SLC2A13: variants seen among roughly 807,000 people sequenced by gnomAD.
SLC2A13 encodes solute carrier family 2 member 13, also known as proton myo-inositol cotransporter.
In SLC2A13, 32 loss-of-function variants were observed where a neutral mutation model predicts 64.4. The observed-to-expected ratio is 0.50, with a 90% CI of 0.37 to 0.67. SLC2A13 has a LOEUF of 0.67. Ranked by LOEUF, SLC2A13 falls within the 30% of genes least tolerant of loss-of-function variation. SLC2A13 has a pLI of 0.00. For synonymous variants in SLC2A13, 338 were observed against 327.1 expected (o/e 1.03, Z -0.36); for missense variants, 743 against 829.2 (o/e 0.90, Z 1.28).
chr12:39,783,441 A>G (rs914120345), intron 7 of SLC2A13, among the ~76,000 whole-genome samples: 1 of 152,188 alleles, frequency 6.6e-6, no homozygotes, highest in South Asian at 2.1e-4. Flanking sequence ...CTGAGGAATC[A>G]CCACACTGTC....
rs557899541 is a variant in SLC2A13, at chr12:39,757,774, T to C, written c.*2252A>G. 100 of 152,314 alleles carry C rather than the reference T, an allele frequency of 6.6e-4. 1 individual carries two copies. The highest frequency in any genetic ancestry group is 2.2e-3 in the African/African-American group (93 of 41,508). 9.4% of individuals were successfully genotyped at this position (152,314 alleles called of 1,614,324 possible). A position where few individuals can be genotyped will look rare whatever the true frequency, so the allele number is the denominator to read the frequency against. On this transcript the variant is annotated 3_prime_UTR_variant, in exon 10 of 10. Coordinates refer to ENST00000280871, the MANE Select transcript of SLC2A13 (RefSeq NM_052885.4). ...AGGGAGAACAGGCCATGTTCTGCTT[T>C]AGGAAATAACAAGAGTCCAGTTTCT...
intron 4 of SLC2A13, among the ~76,000 whole-genome samples, chr12:39,872,652 G>T (rs991464515): frequency 1.1e-4 from 16 of 152,306 alleles, no homozygotes; most frequent in Admixed American, 2.0e-4. Context: ...GTTTGTTGAT[G>T]CACAATGGAA....
chr12:39,814,965 ATTC>A (rs1177450885), intron 7 of SLC2A13, among the ~76,000 whole-genome samples: 11 of 152,024 alleles, frequency 7.2e-5, no homozygotes, highest in African/African-American at 2.2e-4. Context: ...AAGTTTATGA[ATTC>A]TTCTTACACT....
chr12:39,796,905 T>C (rs1483797860), intron 7 of SLC2A13, among the ~76,000 whole-genome samples: 1 of 152,190 alleles, frequency 6.6e-6, no homozygotes, highest in African/African-American at 2.4e-5. Context: ...TTTCTAGAAG[T>C]GAAGCTGCTT....
At chr12:40,026,435 TA>T (rs1947808016) in intron 3 of SLC2A13, among the ~76,000 whole-genome samples, 1 of 152,226 alleles carries the variant, frequency 6.6e-6, no homozygotes, top group African/African-American at 2.4e-5. Context: ...CAGATGTTGA[TA>T]ATTGCAACCC....
intron 4 of SLC2A13, among the ~76,000 whole-genome samples, chr12:39,877,063 A>G (rs1317776970): frequency 3.3e-5 from 5 of 152,200 alleles, no homozygotes; most frequent in Admixed American, 2.0e-4. Flanking sequence ...TTAGAATGCC[A>G]TTACATTAAA....
chr12:40,057,383 A>G (rs1306537410), intron 1 of SLC2A13, among the ~76,000 whole-genome samples: 1 of 152,198 alleles, frequency 6.6e-6, no homozygotes, highest in Non-Finnish European at 1.5e-5. Context: ...ATAAAAATTG[A>G]TTTAAAAAAA....
rs190353266 is a variant in SLC2A13, at chr12:39,903,632, A to G, written c.1035-31671T>C. On this transcript the variant is annotated intron_variant, in intron 4 of 9. Transcript: ENST00000280871. ...CTCTGGCTTTTCCCTCTTGGAGGGA[A>G]AATGTGAGCCTAGGGCTTCTACAGG... Among the ~76,000 whole-genome samples, 8 of 152,120 alleles carry G rather than the reference A, an allele frequency of 5.3e-5. 1 individual carries two copies. Among genetic ancestry groups the G allele is most frequent in the Admixed American group, 2.6e-4 (4 of 15,238 alleles).
chr12:39,877,713 A>G (rs1162014215), intron 4 of SLC2A13, among the ~76,000 whole-genome samples: 1 of 152,220 alleles, frequency 6.6e-6, no homozygotes, highest in Non-Finnish European at 1.5e-5. Flanking sequence ...TACAGAAATA[A>G]TATCAGCCAA....
intron 4 of SLC2A13, among the ~76,000 whole-genome samples, chr12:39,941,495 G>A (rs926985052): frequency 2.0e-5 from 3 of 152,114 alleles, no homozygotes; most frequent in Non-Finnish European, 2.9e-5. Context: ...TTGCATTGTG[G>A]TTTTGATTTG....
intron 3 of SLC2A13, among the ~76,000 whole-genome samples, chr12:39,974,302 A>C (rs1292018960): frequency 6.6e-6 from 1 of 152,218 alleles, no homozygotes; most frequent in Non-Finnish European, 1.5e-5. Context: ...CTGCAATCCC[A>C]GTTCAACAGC....
chr12:40,069,402 T>TA (rs1308082952), intron 1 of SLC2A13, among the ~76,000 whole-genome samples: 5 of 150,540 alleles, frequency 3.3e-5, no homozygotes, highest in Admixed American at 6.6e-5. Flanking sequence ...ATCCACTCAA[T>TA]AAAAAAAAAT....
chr12:40,084,795 G>A (rs1938537183), intron 1 of SLC2A13, among the ~76,000 whole-genome samples: 1 of 152,152 alleles, frequency 6.6e-6, no homozygotes, highest in South Asian at 2.1e-4. Flanking sequence ...TTGTTTCATG[G>A]CATACAACTC....
chr12:39,977,760 C>A (rs1461725073), intron 3 of SLC2A13, among the ~76,000 whole-genome samples: 1 of 152,168 alleles, frequency 6.6e-6, no homozygotes, highest in African/African-American at 2.4e-5. Context: ...AGCATTATTG[C>A]TAAAATGGCT....
chr12:39,895,203 C>G (rs1000477620), intron 4 of SLC2A13, among the ~76,000 whole-genome samples: 4 of 151,840 alleles, frequency 2.6e-5, no homozygotes, highest in Non-Finnish European at 4.4e-5. Flanking sequence ...GTCTGTTACT[C>G]CTAAATGTAC....
At chr12:39,890,537 G>A (rs566329305) in intron 4 of SLC2A13, among the ~76,000 whole-genome samples, 8 of 152,230 alleles carry the variant, frequency 5.3e-5, no homozygotes, top group Admixed American at 3.9e-4. Context: ...AGTAGAAGAC[G>A]GAGGCAGAAG....
chr12:40,081,799 T>A (rs1269026675), intron 1 of SLC2A13, among the ~76,000 whole-genome samples: 1 of 152,212 alleles, frequency 6.6e-6, no homozygotes. Context: ...TTCTCATCTG[T>A]GTGAGATGAT....
chr12:40,010,047 C>T (rs1365655885), intron 3 of SLC2A13, among the ~76,000 whole-genome samples: 5 of 152,090 alleles, frequency 3.3e-5, no homozygotes, highest in South Asian at 2.1e-4. Flanking sequence ...TCCCAGATGC[C>T]GCTAATCTAT....
At chr12:40,042,123 T>G (rs1230463267) in intron 2 of SLC2A13, among the ~76,000 whole-genome samples, 1 of 152,222 alleles carries the variant, frequency 6.6e-6, no homozygotes, top group Non-Finnish European at 1.5e-5. Context: ...TTTGTATTTC[T>G]CATTCAATAC....
Sources: allele counts gnomAD v4.1 joint callset (sites outside exome capture counted in the v4.1 genomes callset), GRCh38; gene constraint gnomAD v4.1.1; transcripts MANE v1.5; gene names NCBI Gene and HGNC (gene_info 2026-07-23, HGNC 2026-07-21).